Variants in PARP3 observed in about 807,000 individuals in gnomAD.
The protein encoded by PARP3 is protein mono-ADP-ribosyltransferase PARP3.
Under a neutral mutation model 58.2 loss-of-function variants are expected in PARP3, and 46 were observed. The observed-to-expected ratio is 0.79, with a 90% CI of 0.62 to 1.01. PARP3 has a LOEUF of 1.01. Among genes scored for constraint, PARP3 ranks in the 50% least tolerant of loss-of-function variants. The probability of loss-of-function intolerance (pLI) is 0.00; values close to 1 mark genes in which losing one functional copy is unlikely to be tolerated. For missense variants in PARP3, 663 were observed against 683.9 expected (o/e 0.97, Z 0.34); for synonymous variants, 252 against 266.4 (o/e 0.95, Z 0.53).
At chr3:51,943,299 C>T (rs1303030512) in intron 1 of PARP3, 55 bp from the exon 2 acceptor site, 9 of 1,465,426 alleles carry the variant, frequency 6.1e-6, no homozygotes, top group African/African-American at 1.4e-5. Context: ...GAGAGTGGGT[C>T]GTTGGGGATG....
Position 51,946,318 on chromosome 3 carries a change from A to G in PARP3, c.1251A>G (p.Ser417=), listed in dbSNP as rs762727146. 1 of 1,610,654 alleles carries G rather than the reference A, an allele frequency of 6.2e-7. No homozygotes were observed. Among genetic ancestry groups the G allele is most frequent in the Non-Finnish European group, 8.5e-7 (1 of 1,178,098 alleles). The change falls in exon 9 of 11, where the codon TCA becomes TCG. Residue 417 remains serine (S), a synonymous_variant. Transcript: ENST00000398755. The surrounding 1 kb of genome is among the most constrained non-coding windows in gnomAD (Gnocchi z 4.6). ...TTGGCAAGGGCATCTACTTTGCCTCAGAGAACAGCAAGTCAGCTGGATATG... is the reference window on the plus strand; with the variant it reads ...TTGGCAAGGGCATCTACTTTGCCTCGGAGAACAGCAAGTCAGCTGGATATG... ...GRVGKGIYFA[S]ENSKSAGYVI... is the part of the protein sequence containing the mutation.
intron 1 of PARP3, chr3:51,943,057 G>GTCCCC: frequency 7.2e-7 from 1 of 1,388,766 alleles, no homozygotes; most frequent in South Asian, 1.6e-5. Flanking sequence ...GTGAGCTGCA[G>GTCCCC]AGGGTAGGGA....
At chr3:51,947,520 T>G in intron 9 of PARP3, 1 of 567,838 alleles carries the variant, frequency 1.8e-6, no homozygotes, top group Admixed American at 3.1e-5. Context: ...ATTGCTGACC[T>G]TGGTGAGGAC....
At position 51,944,510 on chromosome 3, in the gene PARP3, TC is replaced by T; in HGVS notation, c.434del (p.Ser145PhefsTer22). The T allele has an allele frequency of 6.2e-7, 1 of 1,614,116 alleles. No homozygotes were observed. The highest frequency in any genetic ancestry group is 8.5e-7 in the Non-Finnish European group (1 of 1,180,018). ...NNWAERDHFV[S>X]HPGKYTLIEV... is the part of the protein sequence containing the mutation. The stretch of plus-strand genomic sequence containing the variant: ...CTGGGCAGAGCGGGACCACTTTGTG[TC>T]TCACCCGGGCAAGTACACACTTATC... On this transcript the variant is annotated frameshift_variant, in exon 4 of 11. Transcript: ENST00000398755. LOFTEE classifies it high-confidence loss of function. This position sits in a 1 kb window ranked among gnomAD's most constrained non-coding sequence, Gnocchi z 4.2.
In PARP3 at chr3:51,943,394, C is replaced by T. The variant is rs749250157; in HGVS notation, c.39C>T (p.Gly13=). Residue 13 remains glycine (G), a synonymous_variant, in exon 2 of 11, where the codon GGC becomes GGT. Transcript: ENST00000398755. ...CGAAGCCCTGGGTACAGACTGAGGGCCCTGAGAAGAAGAAGGGCCGGCAGG... is the reference window on the plus strand; with the variant it reads ...CGAAGCCCTGGGTACAGACTGAGGGTCCTGAGAAGAAGAAGGGCCGGCAGG... ...PKPKPWVQTE[G]PEKKKGRQAG... is the part of the protein sequence containing the mutation. The T allele has an allele frequency of 6.2e-7, 1 of 1,600,222 alleles. No homozygotes were observed. Among genetic ancestry groups the T allele is most frequent in the Non-Finnish European group, 8.5e-7 (1 of 1,174,434 alleles).
intron 9 of PARP3, among the ~76,000 whole-genome samples, chr3:51,947,274 A>G (rs1214249824): frequency 6.6e-6 from 1 of 152,240 alleles, no homozygotes; most frequent in Non-Finnish European, 1.5e-5. Context: ...CCAAGAGAGC[A>G]AGGACCAAGG....
rs1486465793 is a variant in PARP3, at chr3:51,946,742, C to T, written c.1276+399C>T. On this transcript the variant is annotated intron_variant, in intron 9 of 10. Coordinates refer to ENST00000398755, the MANE Select transcript of PARP3 (RefSeq NM_001003931.4). This position sits in a 1 kb window ranked among gnomAD's most constrained non-coding sequence, Gnocchi z 4.6. ...CTCCAGCCTGTGTGACAGAGCCAGACTCCATCTGAAAAAATAAAAATAAAA... is the reference window on the plus strand; with the variant it reads ...CTCCAGCCTGTGTGACAGAGCCAGATTCCATCTGAAAAAATAAAAATAAAA... Among the ~76,000 whole-genome samples the T allele has an allele frequency of 6.6e-6, 1 of 152,124 alleles. No homozygotes were observed. Among genetic ancestry groups the T allele is most frequent in the Admixed American group, 6.6e-5 (1 of 15,262 alleles).
intron 2 of PARP3, 117 bp downstream of exon 2, chr3:51,943,655 C>T (rs1052356511): frequency 2.1e-6 from 2 of 958,154 alleles, no homozygotes; most frequent in Admixed American, 5.1e-5. Flanking sequence ...CAGGTAAGCG[C>T]CAGAGCAAGG....
chr3:51,943,642 C>A, intron 2 of PARP3, 104 bp downstream of exon 2: 1 of 1,092,814 alleles, frequency 9.2e-7, no homozygotes, highest in Non-Finnish European at 1.3e-6. Flanking sequence ...AGCCCAAGGC[C>A]CCCAGGTAAG....
In PARP3 at chr3:51,943,532, G is replaced by C. The variant is rs982337734; in HGVS notation, c.177G>C (p.Gly59=). Residue 59 remains glycine (G), a synonymous_variant, in exon 2 of 11, where the codon GGG becomes GGC. Transcript: ENST00000398755. ...DPTCPLSSNP[G]TQVYEDYNCT... ...CATGTCCACTCAGCAGCAACCCCGGGACCCAGGTGAGCTGCAGTCCCCAGT... is the reference window on the plus strand; with the variant it reads ...CATGTCCACTCAGCAGCAACCCCGGCACCCAGGTGAGCTGCAGTCCCCAGT... The C allele has an allele frequency of 6.2e-7, 1 of 1,608,184 alleles. No individual in the cohort carries two copies. Among genetic ancestry groups the C allele is most frequent in the Admixed American group, 1.7e-5 (1 of 59,370 alleles).
chr3:51,944,559 C>G lies in PARP3; in HGVS notation c.482C>G (p.Ala161Gly). The change falls in exon 4 of 11, where the codon GCC becomes GGC. Residue 161 changes from alanine to glycine, a missense_variant. Ala to Gly is a moderately conservative substitution (Grantham distance 60). Around this residue, in one of 3 missense-constraint regions of PARP3, gnomAD observed 567 missense variants for 553.6 expected, o/e 1.02. Transcript: ENST00000398755. This position sits in a 1 kb window ranked among gnomAD's most constrained non-coding sequence, Gnocchi z 4.2. ...TLIEVQAEDE[A>G]QEAVVKVDRG... Reference sequence around the variant, plus strand: ...ATCGAAGTACAGGCAGAGGATGAGGCCCAGGAAGCTGTGGTGAAGGTGAGA... The same window carrying G: ...ATCGAAGTACAGGCAGAGGATGAGGGCCAGGAAGCTGTGGTGAAGGTGAGA... The G allele has an allele frequency of 6.2e-7, 1 of 1,614,120 alleles. No homozygotes were observed. Among genetic ancestry groups the G allele is most frequent in the Non-Finnish European group, 8.5e-7 (1 of 1,179,978 alleles).
At chr3:51,943,831 T>C (rs1699602208) in intron 2 of PARP3, among the ~76,000 whole-genome samples, 1 of 151,990 alleles carries the variant, frequency 6.6e-6, no homozygotes, top group Non-Finnish European at 1.5e-5. Context: ...GGCAGAGCCA[T>C]GTCCCTCTCA....
chr3:51,944,394 A>C lies in PARP3; in HGVS notation c.317A>C (p.Glu106Ala). 6.2e-7 allele frequency: 1 copy of C among 1,613,764 alleles called. No homozygotes were observed. The highest frequency in any genetic ancestry group is 8.5e-7 in the Non-Finnish European group (1 of 1,180,002). Residue 106 changes from glutamate to alanine, a missense_variant, in exon 4 of 11, where the codon GAG becomes GCG. By Grantham distance (107) the Glu-to-Ala change is moderately radical. Coordinates refer to ENST00000398755, the MANE Select transcript of PARP3 (RefSeq NM_001003931.4). This position sits in a 1 kb window ranked among gnomAD's most constrained non-coding sequence, Gnocchi z 4.2. ...CCTGAAGGCTGTCGGTTGCAGGGAG[A>C]GGTCGGCCAGTCAAAGATCAACCAC... Reference protein sequence around the residue: ...TCWNRWGRVGEVGQSKINHFT... With the variant: ...TCWNRWGRVGAVGQSKINHFT...
At position 51,942,652 on chromosome 3, in the gene PARP3, G is replaced by T; in HGVS notation, c.-59G>T. On this transcript the variant is annotated 5_prime_UTR_variant, in exon 1 of 11. Transcript: ENST00000398755. Reference sequence around the variant, plus strand: ...TAGACCTGGGACTGCCCTGGGAGGCGCACACAACCAGGCCGGGTGGCAGCC... The same window carrying T: ...TAGACCTGGGACTGCCCTGGGAGGCTCACACAACCAGGCCGGGTGGCAGCC... The T allele has an allele frequency of 8.1e-7, 1 of 1,231,010 alleles. No homozygotes were observed. The allele number at this position is 1,231,010 out of a possible 1,614,324, so 76.3% of individuals were successfully genotyped here. A position where few individuals can be genotyped will look rare whatever the true frequency, so the allele number is the denominator to read the frequency against.
Position 51,943,449 on chromosome 3 carries a change from A to ACCCCTT in PARP3, c.96_97insCCTTCC (p.Thr32_Ala33insProSer), listed in dbSNP as rs764384528. 1 of 1,608,650 alleles carries ACCCCTT rather than the reference A, an allele frequency of 6.2e-7. No homozygotes were observed. The highest frequency in any genetic ancestry group is 1.1e-5 in the South Asian group (1 of 90,030). The stretch of plus-strand genomic sequence containing the variant: ...AAGGGAGGAGGACCCCTTCCGCTCC[A>ACCCCTT]CCGCTGAGGCCCTCAAGGCCATACC... On this transcript the variant is annotated inframe_insertion, in exon 2 of 11. Transcript: ENST00000398755.
chr3:51,942,848 A>T, intron 1 of PARP3, 140 bp downstream of exon 1: 1 of 1,451,454 alleles, frequency 6.9e-7, no homozygotes, highest in Non-Finnish European at 9.1e-7. Context: ...GGGCTTCTAC[A>T]GCTCTGGGTT....
Position 51,946,157 on chromosome 3 carries a change from T to C in PARP3, c.1099-9T>C. 6.3e-7 allele frequency: 1 copy of C among 1,581,570 alleles called. No individual in the cohort carries two copies. The highest frequency in any genetic ancestry group is 1.3e-5 in the African/African-American group (1 of 74,448). ...CATCACTCCCATTTCTCACTTCCTC[T>C]CCACTCAGGAAGACAGATTCCAGGC... On this transcript the variant is annotated splice_polypyrimidine_tract_variant and intron_variant, in intron 8 of 10. Transcript: ENST00000398755. The surrounding 1 kb of genome is among the most constrained non-coding windows in gnomAD (Gnocchi z 4.6).
In PARP3 at chr3:51,945,912, C is replaced by G. The variant is rs764627892; in HGVS notation, c.1071C>G (p.His357Gln). The G allele has an allele frequency of 1.2e-6, 2 of 1,613,988 alleles. No homozygotes were observed. The highest frequency in any genetic ancestry group is 2.7e-5 in the African/African-American group (2 of 74,928). ...ACCACAGGTGCCCTACACTTCAACA[C>G]ATCTGGAAAGTAAACCAAGAAGGGG... ...GSNHRCPTLQHIWKVNQEGEE... is the reference protein window; with the variant it reads ...GSNHRCPTLQQIWKVNQEGEE... The change falls in exon 8 of 11, where the codon CAC becomes CAG. Residue 357 changes from histidine (H) to glutamine (Q), a missense_variant. By Grantham distance (24) the His-to-Gln change is conservative. This residue lies in a region of PARP3 where 567 missense variants were observed against 553.6 expected (regional missense o/e 1.02). Transcript: ENST00000398755.
Position 51,946,911 on chromosome 3 carries a change from G to A in PARP3, c.1276+568G>A, listed in dbSNP as rs1183958940. 6.6e-6 allele frequency among the ~76,000 whole-genome samples: 1 copy of A among 152,220 alleles called. No individual in the cohort carries two copies. Among genetic ancestry groups the A allele is most frequent in the African/African-American group, 2.4e-5 (1 of 41,462 alleles). On this transcript the variant is annotated intron_variant, in intron 9 of 10. Coordinates refer to ENST00000398755, the MANE Select transcript of PARP3 (RefSeq NM_001003931.4). The surrounding 1 kb of genome is among the most constrained non-coding windows in gnomAD (Gnocchi z 4.6). ...GCAGGGTGGGCTAGGGGCCCAGAACGATCGAGGAGGCTTTATCCAGAGAGT... is the reference window on the plus strand; with the variant it reads ...GCAGGGTGGGCTAGGGGCCCAGAACAATCGAGGAGGCTTTATCCAGAGAGT...
Sources: allele counts gnomAD v4.1 joint callset (sites outside exome capture counted in the v4.1 genomes callset), GRCh38; gene constraint gnomAD v4.1.1; regional missense constraint gnomAD v4.1.1; non-coding constraint Gnocchi (gnomAD v3.1); transcripts MANE v1.5; gene names NCBI Gene and HGNC (gene_info 2026-07-23, HGNC 2026-07-21).